The following CFAP47 variants were observed in gnomAD, a reference collection of about 807,000 sequenced individuals.
The protein encoded by CFAP47 is cilia- and flagella-associated protein 47.
Under a neutral mutation model 148.1 loss-of-function variants are expected in CFAP47, and 29 were observed. That is an observed-to-expected ratio of 0.20 (90% CI 0.15 to 0.27). The LOEUF (loss-of-function observed/expected upper bound fraction) is 0.27, where lower values mean the gene tolerates loss of function less well. Ranked by LOEUF, CFAP47 falls within the 10% of genes least tolerant of loss-of-function variation. The probability of loss-of-function intolerance (pLI) is 1.00; values close to 1 mark genes in which losing one functional copy is unlikely to be tolerated. For missense variants in CFAP47, 1,872 were observed against 1,697.5 expected (o/e 1.10, Z -1.81); for synonymous variants, 664 against 577.3 (o/e 1.15, Z -2.15).
chrX:36,234,435 G>A (rs6527542), intron 46 of CFAP47, among the ~76,000 whole-genome samples: 13,985 of 111,193 alleles, frequency 0.13, 692 homozygotes, highest in East Asian at 0.26. Flanking sequence ...CATTCTTCAC[G>A]TAGTTCTCAA....
intron 8 of CFAP47, among the ~76,000 whole-genome samples, chrX:35,957,025 A>G (rs896658028): frequency 1.4e-4 from 15 of 110,000 alleles, no homozygotes; most frequent in African/African-American, 5.0e-4. Flanking sequence ...CCTGGCCGAC[A>G]TGGTGAAACC....
At chrX:36,309,928 A>C (rs1267071197) in intron 55 of CFAP47, among the ~76,000 whole-genome samples, 1 of 110,962 alleles carries the variant, frequency 9.0e-6, no homozygotes, top group Non-Finnish European at 1.9e-5. Context: ...ATCCAGATGA[A>C]ATATGCCTTT....
In CFAP47 at chrX:35,924,030, T is replaced by TATATGTATATATGTACATGTATGC. The variant is rs1569201037; in HGVS notation, c.250-1987_250-1986insATATGTATATATGTACATGTATGC. 5.9e-3 allele frequency among the ~76,000 whole-genome samples: 563 copies of TATATGTATATATGTACATGTATGC among 95,183 alleles called. 41 individuals are homozygous for TATATGTATATATGTACATGTATGC. The highest frequency in any genetic ancestry group is 0.024 in the African/African-American group (517 of 21,973). 82.7% of individuals were successfully genotyped at this position (95,183 alleles called of 115,157 possible). A position where few individuals can be genotyped will look rare whatever the true frequency, so the allele number is the denominator to read the frequency against. Reference sequence around the variant, plus strand: ...GTGTAAATATATATGCACATATATATGCACATATATGTGTATATGTACATG... The same window carrying TATATGTATATATGTACATGTATGC: ...GTGTAAATATATATGCACATATATATATATGTATATATGTACATGTATGCGCACATATATGTGTATATGTACATG... On this transcript the variant is annotated intron_variant, in intron 1 of 63. Transcript: ENST00000378653.
At chrX:36,333,570 A>G (rs1432196625) in intron 57 of CFAP47, among the ~76,000 whole-genome samples, 4 of 111,406 alleles carry the variant, frequency 3.6e-5, no homozygotes, top group Non-Finnish European at 7.5e-5. Flanking sequence ...CTCCAACACT[A>G]TATTTCTTAA....
intron 15 of CFAP47, among the ~76,000 whole-genome samples, chrX:35,981,657 C>A: frequency 9.0e-6 from 1 of 111,335 alleles, no homozygotes. Flanking sequence ...AAGTAGTTTT[C>A]AATCCTCACC....
intron 33 of CFAP47, among the ~76,000 whole-genome samples, chrX:36,128,831 T>C (rs901882858): frequency 1.8e-5 from 2 of 110,810 alleles, no homozygotes; most frequent in Non-Finnish European, 3.8e-5. Flanking sequence ...TTTTCCATGA[T>C]AGTTAAATTA....
At chrX:36,267,762 G>A (rs1276108695) in intron 49 of CFAP47, among the ~76,000 whole-genome samples, 1 of 112,088 alleles carries the variant, frequency 8.9e-6, no homozygotes. Context: ...ACAGGCGTGA[G>A]CCACCGCGCC....
At chrX:36,063,388 A>G (rs1465125609) in intron 26 of CFAP47, among the ~76,000 whole-genome samples, 1 of 111,305 alleles carries the variant, frequency 9.0e-6, no homozygotes, top group Non-Finnish European at 1.9e-5. Context: ...TAGTAATATC[A>G]ATGAGTGAAG....
At chrX:36,229,308 A>T (rs1446432579) in intron 46 of CFAP47, among the ~76,000 whole-genome samples, 1 of 112,041 alleles carries the variant, frequency 8.9e-6, no homozygotes, top group Non-Finnish European at 1.9e-5. Context: ...TTGTCTAATT[A>T]TTAAAGACAT....
chrX:35,935,025 A>G (rs5973548), intron 2 of CFAP47, among the ~76,000 whole-genome samples: 32,362 of 109,857 alleles, frequency 0.29, 5,583 homozygotes, highest in African/African-American at 0.65. Flanking sequence ...TGCAGCCTGG[A>G]GTTGGGGAAA....
At chrX:36,268,960 C>T (rs1038330643) in intron 49 of CFAP47, among the ~76,000 whole-genome samples, 5 of 111,597 alleles carry the variant, frequency 4.5e-5, no homozygotes, top group Non-Finnish European at 9.4e-5. Flanking sequence ...TTTACTAATT[C>T]GGTCAGATAA....
intron 62 of CFAP47, among the ~76,000 whole-genome samples, chrX:36,378,914 C>G (rs1399418736): frequency 9.0e-6 from 1 of 111,109 alleles, no homozygotes; most frequent in Non-Finnish European, 1.9e-5. Flanking sequence ...CAGGTTCAAG[C>G]GATTCTCCTG....
At chrX:36,332,685 C>T (rs1237019823) in intron 57 of CFAP47, among the ~76,000 whole-genome samples, 2 of 111,684 alleles carry the variant, frequency 1.8e-5, no homozygotes, top group East Asian at 2.8e-4. Context: ...AGGAAGAAGC[C>T]ATCATTGACT....
chrX:36,190,053 A>G lies in CFAP47; in HGVS notation c.6178A>G (p.Ile2060Val), dbSNP rs1939849219. 1 of 296,627 alleles carries G rather than the reference A, an allele frequency of 3.4e-6. No individual in the cohort carries two copies. Among genetic ancestry groups the G allele is most frequent in the South Asian group, 2.0e-4 (1 of 4,949 alleles). 24.4% of individuals were successfully genotyped at this position (296,627 alleles called of 1,213,427 possible). Residue 2060 changes from isoleucine (I) to valine (V), a missense_variant and splice_region_variant, in exon 42 of 64, where the codon ATT (isoleucine) becomes GTT (valine). By Grantham distance (29) the Ile-to-Val change is conservative (BLOSUM62 3). Transcript: ENST00000378653. Reference protein sequence around the residue: ...SDSPNVLHTSIKSTFIREFFC... With the variant: ...SDSPNVLHTSVKSTFIREFFC... ...AAGCTCTGTTTATGTTTTGCTAGCA[A>G]TTAAGTCCACTTTTATCAGAGAGTT...
intron 2 of CFAP47, among the ~76,000 whole-genome samples, chrX:35,934,010 A>G (rs1402519386): frequency 9.0e-6 from 1 of 111,380 alleles, no homozygotes; most frequent in African/African-American, 3.3e-5. Context: ...TATTTTTCCC[A>G]TACTGTGGGT....
intron 30 of CFAP47, among the ~76,000 whole-genome samples, chrX:36,090,814 T>C (rs764784566): frequency 2.2e-5 from 2 of 92,103 alleles, no homozygotes; most frequent in East Asian, 3.3e-4. Flanking sequence ...ACGTGAAATA[T>C]CTACTCTGCA....
intron 49 of CFAP47, among the ~76,000 whole-genome samples, chrX:36,273,855 A>G (rs1287729197): frequency 9.0e-6 from 1 of 111,614 alleles, no homozygotes; most frequent in Non-Finnish European, 1.9e-5. Context: ...AATAAAAAAT[A>G]TACGTAAAAG....
chrX:36,191,246 A>T (rs1555986458), intron 42 of CFAP47, among the ~76,000 whole-genome samples: 2 of 111,682 alleles, frequency 1.8e-5, no homozygotes, highest in African/African-American at 6.5e-5. Flanking sequence ...AATACTTTAC[A>T]GTCACTTTTG....
chrX:36,162,949 C>T (rs919976590), intron 39 of CFAP47, among the ~76,000 whole-genome samples: 2 of 111,393 alleles, frequency 1.8e-5, no homozygotes, highest in South Asian at 7.4e-4. Flanking sequence ...ACCTTCTATT[C>T]TATTGTTTGG....
Sources: allele counts gnomAD v4.1 joint callset (sites outside exome capture counted in the v4.1 genomes callset), GRCh38; gene constraint gnomAD v4.1.1; transcripts MANE v1.5; gene names NCBI Gene and HGNC (gene_info 2026-07-23, HGNC 2026-07-21).